The following KCTD3 variants were observed in gnomAD, a reference collection of about 807,000 sequenced individuals.
KCTD3 encodes BTB/POZ domain-containing protein KCTD3.
In KCTD3, 41 loss-of-function variants were observed where a neutral mutation model predicts 85.8. That is an observed-to-expected ratio of 0.48 (90% CI 0.37 to 0.62). KCTD3 has a LOEUF of 0.62. Among genes scored for constraint, KCTD3 ranks in the 20% least tolerant of loss-of-function variants. The pLI, the probability that KCTD3 is intolerant of heterozygous loss-of-function variation, is 0.00. For missense variants in KCTD3, 724 were observed against 989.9 expected (o/e 0.73, Z 3.60); for synonymous variants, 338 against 345.4 (o/e 0.98, Z 0.24).
Position 215,620,579 on chromosome 1 carries a change from T to C in KCTD3, c.2409T>C (p.His803=). 1 of 1,606,064 alleles carries C rather than the reference T, an allele frequency of 6.2e-7. No individual in the cohort carries two copies. The highest frequency in any genetic ancestry group is 1.1e-5 in the South Asian group (1 of 89,158). Residue 803 remains histidine (H), a synonymous_variant, in exon 18 of 18, where the codon CAT becomes CAC. Transcript: ENST00000259154. The part of the protein sequence containing the change: ...SPTKTTPSPR[H]KKSDSSGQEY... ...CAAAGACTACTCCATCTCCTCGGCATAAAAAAAGTGATTCTTCAGGTCAGG... is the reference window on the plus strand; with the variant it reads ...CAAAGACTACTCCATCTCCTCGGCACAAAAAAAGTGATTCTTCAGGTCAGG...
In KCTD3 at chr1:215,608,152, A is replaced by G. The variant is rs777680046; in HGVS notation, c.1445A>G (p.Tyr482Cys). ...SLEETESHGS[Y>C]SSGNDIGPFG... The stretch of plus-strand genomic sequence containing the variant: ...GAGGAGACAGAAAGTCATGGTAGCT[A>G]TTCCTCTGGAAATGACATAGGTGGG... The change falls in exon 14 of 18, where the codon TAT becomes TGT. Residue 482 changes from tyrosine to cysteine, a missense_variant. Physicochemically the swap from Tyr to Cys is radical, Grantham distance 194 (BLOSUM62 -2). Around this residue, in one of 6 missense-constraint regions of KCTD3, gnomAD observed 136 missense variants for 197.6 expected, o/e 0.69. Coordinates refer to ENST00000259154, the MANE Select transcript of KCTD3 (RefSeq NM_016121.5). 4 of 1,610,912 alleles carry G rather than the reference A, an allele frequency of 2.5e-6. No homozygotes were observed. The highest frequency in any genetic ancestry group is 1.1e-5 in the South Asian group (1 of 90,726).
chr1:215,590,193 A>G (rs1420814860), intron 9 of KCTD3, among the ~76,000 whole-genome samples: 1 of 152,220 alleles, frequency 6.6e-6, no homozygotes, highest in African/African-American at 2.4e-5. Context: ...GATTAATAAT[A>G]TTAAGCATCG....
Position 215,592,851 on chromosome 1 carries a change from C to T in KCTD3, c.818-2505C>T, listed in dbSNP as rs1404595468. Among the ~76,000 whole-genome samples, 4 of 152,066 alleles carry T rather than the reference C, an allele frequency of 2.6e-5. No individual in the cohort carries two copies. In the East Asian group the frequency reaches 5.8e-4, roughly 22 times the overall value. On this transcript the variant is annotated intron_variant, in intron 9 of 17. Transcript: ENST00000259154. ...GTTTCTGCTATAAGCAATATTTTAC[C>T]AAGAGGGCCCCTTAAGACAGGAACT...
intron 10 of KCTD3, among the ~76,000 whole-genome samples, chr1:215,600,011 A>G (rs1007944130): frequency 6.6e-6 from 1 of 152,162 alleles, no homozygotes; most frequent in Non-Finnish European, 1.5e-5. Context: ...CTTTAGTGCT[A>G]GAACTAAAAT....
intron 15 of KCTD3, among the ~76,000 whole-genome samples, chr1:215,612,881 C>T (rs1202756609): frequency 2.0e-5 from 3 of 152,090 alleles, no homozygotes; most frequent in Non-Finnish European, 4.4e-5. Flanking sequence ...TTTATAACCT[C>T]AGATTTTGCT....
At chr1:215,575,863 T>C in intron 3 of KCTD3, 38 bp from the exon 4 acceptor site, 1 of 1,148,830 alleles carries the variant, frequency 8.7e-7, no homozygotes, top group Non-Finnish European at 1.3e-6. Flanking sequence ...AAAAGATTAA[T>C]TTGTAATTTG....
chr1:215,575,750 A>T, intron 3 of KCTD3, 151 bp from the exon 4 acceptor site: 1 of 545,136 alleles, frequency 1.8e-6, no homozygotes, highest in Admixed American at 3.8e-5. Flanking sequence ...CACAGACTAC[A>T]TTCCAATTTT....
chr1:215,600,442 TC>T (rs1186268600), intron 10 of KCTD3, among the ~76,000 whole-genome samples: 1 of 152,206 alleles, frequency 6.6e-6, no homozygotes, highest in East Asian at 1.9e-4. Flanking sequence ...CTGTGAACCT[TC>T]CTTGATCTTT....
chr1:215,614,813 A>G (rs1655369119), intron 15 of KCTD3, among the ~76,000 whole-genome samples: 1 of 152,280 alleles, frequency 6.6e-6, no homozygotes, highest in Non-Finnish European at 1.5e-5. Context: ...CTGCATTTTC[A>G]ACATATCTGT....
Position 215,575,887 on chromosome 1 carries a change from T to C in KCTD3, c.184-14T>C. On this transcript the variant is annotated splice_polypyrimidine_tract_variant and intron_variant, in intron 3 of 17. Coordinates refer to ENST00000259154, the MANE Select transcript of KCTD3 (RefSeq NM_016121.5). ...ATTTGTAATTTGAAAATAAAACTGT[T>C]CTCTTTTTTACAGATATTTATTGAT... The C allele has an allele frequency of 7.0e-7, 1 of 1,428,656 alleles. No individual in the cohort carries two copies. The highest frequency in any genetic ancestry group is 9.6e-7 in the Non-Finnish European group (1 of 1,037,788). 88.5% of individuals were successfully genotyped at this position (1,428,656 alleles called of 1,614,324 possible). A position where few individuals can be genotyped will look rare whatever the true frequency, so the allele number is the denominator to read the frequency against.
At chr1:215,615,295 G>T (rs1017372676) in intron 15 of KCTD3, among the ~76,000 whole-genome samples, 1 of 152,120 alleles carries the variant, frequency 6.6e-6, no homozygotes, top group Non-Finnish European at 1.5e-5. Flanking sequence ...AAAAAACCTT[G>T]TAGAAAATTT....
At position 215,578,983 on chromosome 1, in the gene KCTD3, TC is replaced by T; in HGVS notation, c.398-16del. ...GGTGAACTTAGGAATGTATTTGTTT[TC>T]TTCTTCTCTTTATAGGTATTCCTAG... On this transcript the variant is annotated splice_polypyrimidine_tract_variant and intron_variant, in intron 6 of 17. Transcript: ENST00000259154. 1 of 1,502,872 alleles carries T rather than the reference TC, an allele frequency of 6.7e-7. No individual in the cohort carries two copies. The highest frequency in any genetic ancestry group is 2.6e-5 in the East Asian group (1 of 39,014). 93.1% of individuals were successfully genotyped at this position (1,502,872 alleles called of 1,614,324 possible). A position where few individuals can be genotyped will look rare whatever the true frequency, so the allele number is the denominator to read the frequency against.
intron 15 of KCTD3, chr1:215,618,429 T>C (rs1655536520): frequency 6.0e-6 from 1 of 165,632 alleles, no homozygotes; most frequent in African/African-American, 2.4e-5. Flanking sequence ...TGCGTTTGCC[T>C]ATACTGATTT....
Position 215,620,526 on chromosome 1 carries a change from T to TCACCTGGTACTGCGTCCC in KCTD3, c.2359_2376dup (p.Pro787_Pro792dup). 1.2e-6 allele frequency: 2 copies of TCACCTGGTACTGCGTCCC among 1,613,820 alleles called. No homozygotes were observed. Among genetic ancestry groups the TCACCTGGTACTGCGTCCC allele is most frequent in the Non-Finnish European group, 1.7e-6 (2 of 1,179,780 alleles). On this transcript the variant is annotated inframe_insertion, in exon 18 of 18. Coordinates refer to ENST00000259154, the MANE Select transcript of KCTD3 (RefSeq NM_016121.5). ...AAGTACTTCCGATGGAGGAACTGACTCACCTGGTACTGCGTCCCCATCTCC... is the reference window on the plus strand; with the variant it reads ...AAGTACTTCCGATGGAGGAACTGACTCACCTGGTACTGCGTCCCCACCTGGTACTGCGTCCCCATCTCC...
At chr1:215,580,132 T>C in intron 8 of KCTD3, 133 bp downstream of exon 8, 1 of 600,494 alleles carries the variant, frequency 1.7e-6, no homozygotes, top group Non-Finnish European at 2.9e-6. Flanking sequence ...TACCCATGTC[T>C]GTATCATCTG....
At chr1:215,616,390 A>G (rs1004954735) in intron 15 of KCTD3, among the ~76,000 whole-genome samples, 3 of 152,196 alleles carry the variant, frequency 2.0e-5, no homozygotes, top group Admixed American at 6.6e-5. Context: ...AAACCCTAGC[A>G]ACTAAAAAAA....
At chr1:215,608,362 G>A (rs934352751) in intron 14 of KCTD3, among the ~76,000 whole-genome samples, 190 bp downstream of exon 14, 1 of 151,754 alleles carries the variant, frequency 6.6e-6, no homozygotes, top group African/African-American at 2.4e-5. Flanking sequence ...TTATTGCAGC[G>A]TTTTTCCTTA....
chr1:215,614,283 C>T (rs912809740), intron 15 of KCTD3, among the ~76,000 whole-genome samples: 1 of 151,854 alleles, frequency 6.6e-6, no homozygotes, highest in African/African-American at 2.4e-5. Context: ...CGCTCACCTC[C>T]GCCTCCCAAA....
chr1:215,619,197 CAATGTG>C lies in KCTD3; in HGVS notation c.1794_1799del (p.Gln598_Asp600delinsHis). The C allele has an allele frequency of 6.2e-7, 1 of 1,613,752 alleles. No individual in the cohort carries two copies. The highest frequency in any genetic ancestry group is 8.5e-7 in the Non-Finnish European group (1 of 1,179,630). ...AGAAGAGCTACTCAAATTACTCGAT[CAATGTG>C]ATTTGAGCACATCTCGCTGTGCTAC... On this transcript the variant is annotated inframe_deletion, in exon 17 of 18. Coordinates refer to ENST00000259154, the MANE Select transcript of KCTD3 (RefSeq NM_016121.5).
Sources: gnomAD v4.1 joint callset for allele counts (sites outside exome capture counted in the v4.1 genomes callset) on GRCh38, gnomAD v4.1.1 for gene constraint, gnomAD v4.1.1 regional missense constraint, MANE v1.5 for transcripts, NCBI Gene and HGNC (gene_info 2026-07-23, HGNC 2026-07-21) for gene names.